The following FOXP2 variants were observed in gnomAD, a reference collection of about 807,000 sequenced individuals.
FOXP2 encodes forkhead box P2, also known as forkhead box protein P2.
FOXP2 carries 12 observed loss-of-function variants against 115.8 expected under a neutral mutation model. That is an observed-to-expected ratio of 0.10 (90% confidence interval 0.07 to 0.17). The LOEUF (loss-of-function observed/expected upper bound fraction) is 0.17, where lower values mean the gene tolerates loss of function less well. FOXP2 is among the 10% of genes least tolerant of loss of function. FOXP2 has a pLI of 1.00. For missense variants in FOXP2, 629 were observed against 843.5 expected (o/e 0.75, Z 3.15); for synonymous variants, 328 against 297.7 (o/e 1.10, Z -1.05).
chr7:114,331,060 G>A (rs1402166057), intron 2 of FOXP2, among the ~76,000 whole-genome samples: 1 of 152,124 alleles, frequency 6.6e-6, no homozygotes, highest in African/African-American at 2.4e-5. Context: ...CCATGATGAA[G>A]TTTCTTTATT....
intron 1 of FOXP2, among the ~76,000 whole-genome samples, chr7:114,200,807 C>T (rs1794040295): frequency 6.6e-6 from 1 of 152,114 alleles, no homozygotes; most frequent in Non-Finnish European, 1.5e-5. Flanking sequence ...ACGTCTATCA[C>T]TCAAAATCTT....
chr7:114,189,531 T>C (rs1793700587), intron 1 of FOXP2, among the ~76,000 whole-genome samples: 1 of 152,180 alleles, frequency 6.6e-6, no homozygotes, highest in Admixed American at 6.5e-5. Context: ...AAGACTTGGA[T>C]AGAATATTTT....
At chr7:114,121,975 ACTGTAGAGGTAATTC>A (rs1234191708) in intron 1 of FOXP2, among the ~76,000 whole-genome samples, 1 of 152,120 alleles carries the variant, frequency 6.6e-6, no homozygotes, top group Admixed American at 6.6e-5. Flanking sequence ...CGGTAGGGGT[ACTGTAGAGGTAATTC>A]CTGTTCTGCA....
intron 1 of FOXP2, among the ~76,000 whole-genome samples, chr7:114,244,848 G>A (rs1266999807): frequency 1.3e-5 from 2 of 151,628 alleles, no homozygotes; most frequent in African/African-American, 4.8e-5. Flanking sequence ...TGCAAGCTCC[G>A]CCTCCCGGGT....
chr7:114,332,028 A>G (rs754833571), intron 2 of FOXP2, among the ~76,000 whole-genome samples: 13 of 152,054 alleles, frequency 8.5e-5, no homozygotes, highest in Non-Finnish European at 1.6e-4. Context: ...ATACCCACTT[A>G]CTAAATTACT....
chr7:114,559,267 C>A (rs1316221988), intron 3 of FOXP2, among the ~76,000 whole-genome samples: 1 of 152,132 alleles, frequency 6.6e-6, no homozygotes. Flanking sequence ...AGCATTCCTG[C>A]AAATTCAAGT....
intron 1 of FOXP2, among the ~76,000 whole-genome samples, chr7:114,243,281 A>T (rs2129167976): frequency 6.8e-6 from 1 of 147,094 alleles, no homozygotes; most frequent in East Asian, 2.0e-4. Flanking sequence ...AAAAAAAAAC[A>T]AGAACAAAGG....
Position 114,519,714 on chromosome 7 carries a change from G to C in FOXP2, c.169-14903G>C, listed in dbSNP as rs193212442. 2.8e-3 allele frequency among the ~76,000 whole-genome samples: 419 copies of C among 152,178 alleles called. 1 individual carries two copies. Among genetic ancestry groups the C allele is most frequent in the African/African-American group, 9.8e-3 (405 of 41,514 alleles). On this transcript the variant is annotated intron_variant, in intron 2 of 16. Coordinates refer to ENST00000350908, the MANE Select transcript of FOXP2 (RefSeq NM_014491.4). ...TCTGCAATCATAAGAAGCCTTTGAG[G>C]GGGGCAGCAAAATCTCCCTTCTATG...
Position 114,690,843 on chromosome 7 carries a change from C to T in FOXP2, c.*917C>T, listed in dbSNP as rs761834981. ...GTAACTTCAATTAGTACAAAGGAAC[C>T]TTTTCCATGAACTACCTGCTGTTTT... On this transcript the variant is annotated 3_prime_UTR_variant, in exon 17 of 17. Coordinates refer to ENST00000350908, the MANE Select transcript of FOXP2 (RefSeq NM_014491.4). 1 of 454,516 alleles carries T rather than the reference C, an allele frequency of 2.2e-6. No homozygotes were observed. Among genetic ancestry groups the T allele is most frequent in the Non-Finnish European group, 4.4e-6 (1 of 226,784 alleles). The allele number at this position is 454,516 out of a possible 1,614,324, so 28.2% of individuals were successfully genotyped here.
intron 1 of FOXP2, among the ~76,000 whole-genome samples, chr7:114,233,758 A>G (rs1584564382): frequency 6.6e-6 from 1 of 152,250 alleles, no homozygotes; most frequent in East Asian, 1.9e-4. Flanking sequence ...CACGCCTGTA[A>G]TCCCAACACT....
intron 3 of FOXP2, among the ~76,000 whole-genome samples, chr7:114,625,226 C>CT (rs1804488735): frequency 6.6e-6 from 1 of 151,700 alleles, no homozygotes; most frequent in Admixed American, 6.6e-5. Flanking sequence ...AAAATTTTAA[C>CT]TGATAAATAC....
chr7:114,431,382 T>A (rs572759733), intron 2 of FOXP2, among the ~76,000 whole-genome samples: 1 of 151,962 alleles, frequency 6.6e-6, no homozygotes, highest in South Asian at 2.1e-4. Context: ...ACTTTGTTGC[T>A]TGAGGAGAAT....
intron 2 of FOXP2, among the ~76,000 whole-genome samples, chr7:114,387,307 T>A (rs1006345595): frequency 7.2e-5 from 11 of 152,332 alleles, no homozygotes; most frequent in Middle Eastern, 3.4e-3. Context: ...TATTAAATAT[T>A]TGGTTAAAAA....
chr7:114,601,574 G>C (rs1345292647), intron 3 of FOXP2, among the ~76,000 whole-genome samples: 2 of 152,000 alleles, frequency 1.3e-5, no homozygotes, highest in Non-Finnish European at 2.9e-5. Context: ...GGTAGATTCA[G>C]ATGATCAATT....
At chr7:114,450,155 T>C (rs1795008846) in intron 2 of FOXP2, among the ~76,000 whole-genome samples, 2 of 152,096 alleles carry the variant, frequency 1.3e-5, no homozygotes, top group South Asian at 4.1e-4. Flanking sequence ...TCAATGCCAT[T>C]ATGTTGATAT....
chr7:114,494,661 T>C (rs995404121), intron 2 of FOXP2, among the ~76,000 whole-genome samples: 8 of 152,190 alleles, frequency 5.3e-5, no homozygotes, highest in Admixed American at 5.2e-4. Flanking sequence ...CAATGGAAGA[T>C]GTATTTGCCC....
At chr7:114,162,981 T>G (rs1276638085), upstream of FOXP2, 1 of 152,160 alleles carries the variant, frequency 6.6e-6, no homozygotes, top group Non-Finnish European at 1.5e-5. Context: ...AGCTTTGTCC[T>G]GACCTATCCT....
At chr7:114,633,549 C>T (rs1398409260) in intron 6 of FOXP2, among the ~76,000 whole-genome samples, 1 of 152,048 alleles carries the variant, frequency 6.6e-6, no homozygotes, top group Non-Finnish European at 1.5e-5. Context: ...TTAAAAAAAT[C>T]CATCTGAATA....
chr7:114,370,198 T>C (rs1479273295), intron 2 of FOXP2, among the ~76,000 whole-genome samples: 4 of 152,218 alleles, frequency 2.6e-5, no homozygotes, highest in African/African-American at 7.2e-5. Flanking sequence ...TTTATTACCT[T>C]GTACTCTTTC....
Sources: gnomAD v4.1 joint callset for allele counts (sites outside exome capture counted in the v4.1 genomes callset) on GRCh38, gnomAD v4.1.1 for gene constraint, MANE v1.5 for transcripts, NCBI Gene and HGNC (gene_info 2026-07-23, HGNC 2026-07-21) for gene names.